Variants in MYH10 observed in about 807,000 individuals in gnomAD.
MYH10 encodes myosin heavy chain 10.
MYH10 carries 55 observed loss-of-function variants against 257.8 expected under a neutral mutation model. The observed-to-expected ratio is 0.21, with a 90% CI of 0.17 to 0.27. The LOEUF is 0.27. Among genes scored for constraint, MYH10 ranks in the 10% least tolerant of loss-of-function variants. The probability of loss-of-function intolerance (pLI) is 1.00; values close to 1 mark genes in which losing one functional copy is unlikely to be tolerated. For synonymous variants in MYH10, 854 were observed against 921.7 expected (o/e 0.93, Z 1.33); for missense variants, 1,631 against 2,500.6 (o/e 0.65, Z 7.42).
At position 8,535,739 on chromosome 17, in the gene MYH10, T is replaced by C; in HGVS notation, c.1779+19A>G. ...AACACAGCCATTTTAATCCAGTTAT[T>C]CAACATAAGAGCTCTTACCTTCCCT... On this transcript the variant is annotated intron_variant, in intron 15 of 42. Coordinates refer to ENST00000360416, the MANE Select transcript of MYH10 (RefSeq NM_001256012.3). The surrounding 1 kb of genome is among the most constrained non-coding windows in gnomAD (Gnocchi z 4.3). 6.2e-7 allele frequency: 1 copy of C among 1,600,990 alleles called. No individual in the cohort carries two copies. The highest frequency in any genetic ancestry group is 8.5e-7 in the Non-Finnish European group (1 of 1,172,702).
intron 3 of MYH10, among the ~76,000 whole-genome samples, chr17:8,600,937 A>G (rs1392280711): frequency 2.6e-5 from 4 of 152,204 alleles, no homozygotes; most frequent in Non-Finnish European, 2.9e-5. Context: ...AAACATACAG[A>G]AAGTTTGCAC....
chr17:8,561,328 C>T, intron 7 of MYH10: 1 of 1,159,064 alleles, frequency 8.6e-7, no homozygotes. Context: ...TGCCCAAGGA[C>T]AAGGCCATTA....
chr17:8,514,057 G>A (rs1266840198), intron 21 of MYH10, among the ~76,000 whole-genome samples, 163 bp from the exon 22 acceptor site: 4 of 152,172 alleles, frequency 2.6e-5, no homozygotes, highest in South Asian at 2.1e-4. Context: ...CGTTCTGGCC[G>A]CTCGAAGCCA....
At chr17:8,610,373 G>A (rs34183709) in intron 2 of MYH10, among the ~76,000 whole-genome samples, 36,282 of 148,878 alleles carry the variant, frequency 0.24, 5,337 homozygotes, top group Admixed American at 0.36. Context: ...AAGATCACTT[G>A]AGCTCAGGAG....
intron 3 of MYH10, among the ~76,000 whole-genome samples, chr17:8,602,087 C>T (rs1283612833): frequency 3.3e-5 from 5 of 152,030 alleles, no homozygotes; most frequent in South Asian, 2.1e-4. Flanking sequence ...GCCATTCTCC[C>T]GCCTCAGCCT....
intron 9 of MYH10, among the ~76,000 whole-genome samples, chr17:8,551,543 C>T (rs1196305259): frequency 6.6e-6 from 1 of 152,172 alleles, no homozygotes; most frequent in South Asian, 2.1e-4. Flanking sequence ...CAGCAAAATT[C>T]TGACCCAGAC....
At chr17:8,618,291 C>T (rs1033105921) in intron 2 of MYH10, among the ~76,000 whole-genome samples, 2 of 151,316 alleles carry the variant, frequency 1.3e-5, no homozygotes, top group Admixed American at 6.6e-5. Context: ...TCTTGTTGCC[C>T]AGGCTGGAGG....
intron 13 of MYH10, among the ~76,000 whole-genome samples, chr17:8,542,901 T>C (rs1187770381): frequency 6.6e-6 from 1 of 152,202 alleles, no homozygotes; most frequent in South Asian, 2.1e-4. Flanking sequence ...CCTTCCCTTA[T>C]CAAATGTTTG....
chr17:8,488,796 G>A (rs1915293433), intron 35 of MYH10, among the ~76,000 whole-genome samples: 1 of 152,106 alleles, frequency 6.6e-6, no homozygotes, highest in Non-Finnish European at 1.5e-5. Context: ...CTCGTCATCT[G>A]CTTGCTGTGT....
intron 3 of MYH10, among the ~76,000 whole-genome samples, chr17:8,593,134 T>C (rs921518896): frequency 9.3e-5 from 14 of 151,338 alleles, no homozygotes; most frequent in African/African-American, 3.4e-4. Flanking sequence ...CAAAACTTAA[T>C]ATCCACTGAT....
intron 4 of MYH10, among the ~76,000 whole-genome samples, chr17:8,585,230 G>A (rs1314855310): frequency 1.1e-4 from 1 of 9,162 alleles, no homozygotes; most frequent in South Asian, 0.071. Flanking sequence ...ACATATATGT[G>A]TGTGTATATA....
intron 29 of MYH10, among the ~76,000 whole-genome samples, chr17:8,500,237 G>T (rs1917306985): frequency 6.6e-6 from 1 of 152,158 alleles, no homozygotes; most frequent in Non-Finnish European, 1.5e-5. Context: ...AGTCACAAAG[G>T]CAAGGATGAT....
chr17:8,572,093 T>G (rs546981483), intron 6 of MYH10, among the ~76,000 whole-genome samples: 1 of 152,332 alleles, frequency 6.6e-6, no homozygotes, highest in Admixed American at 6.5e-5. Flanking sequence ...GAAAAAGACT[T>G]TGATAGTCCA....
chr17:8,499,623 G>T (rs1241025048), intron 29 of MYH10, 147 bp from the exon 30 acceptor site: 1 of 734,146 alleles, frequency 1.4e-6, no homozygotes, highest in Non-Finnish European at 2.3e-6. Flanking sequence ...AATGTTTGCT[G>T]TTCTCTGAGT....
At chr17:8,564,723 T>C (rs2083109641) in intron 7 of MYH10, among the ~76,000 whole-genome samples, 1 of 152,156 alleles carries the variant, frequency 6.6e-6, no homozygotes, top group African/African-American at 2.4e-5. Flanking sequence ...AATATACCTG[T>C]GGGGCACTAT....
chr17:8,492,731 AAAGC>A, intron 33 of MYH10, 41 bp downstream of exon 33: 1 of 1,585,702 alleles, frequency 6.3e-7, no homozygotes, highest in Non-Finnish European at 8.5e-7. Flanking sequence ...CAAACGAACA[AAAGC>A]AAGAGCTCTG....
chr17:8,606,364 C>T (rs1350439146), intron 2 of MYH10, among the ~76,000 whole-genome samples: 4 of 152,164 alleles, frequency 2.6e-5, no homozygotes, highest in Non-Finnish European at 5.9e-5. Flanking sequence ...CTGAAGGCAT[C>T]TGGAAGGGCA....
At position 8,475,675 on chromosome 17, in the gene MYH10, G is replaced by C; in HGVS notation, c.*129C>G. On this transcript the variant is annotated 3_prime_UTR_variant, in exon 43 of 43. Coordinates refer to ENST00000360416, the MANE Select transcript of MYH10 (RefSeq NM_001256012.3). ...AGCAGGATACAGTATGCATAGGCTG[G>C]AGAGCCTTAAGACACAGTTGATCTT... is the stretch of plus-strand genomic sequence containing the variant. The C allele has an allele frequency of 9.0e-7, 1 of 1,110,570 alleles. No individual in the cohort carries two copies. The highest frequency in any genetic ancestry group is 1.3e-6 in the Non-Finnish European group (1 of 769,198). 68.8% of individuals were successfully genotyped at this position (1,110,570 alleles called of 1,614,324 possible).
intron 19 of MYH10, among the ~76,000 whole-genome samples, chr17:8,520,347 T>C (rs1158899000): frequency 6.6e-6 from 1 of 151,928 alleles, no homozygotes; most frequent in East Asian, 1.9e-4. Flanking sequence ...ATACAAAAAT[T>C]TAGCTGGGCA....
Sources: allele counts gnomAD v4.1 joint callset (sites outside exome capture counted in the v4.1 genomes callset), GRCh38; gene constraint gnomAD v4.1.1; non-coding constraint Gnocchi (gnomAD v3.1); transcripts MANE v1.5; gene names NCBI Gene and HGNC (gene_info 2026-07-23, HGNC 2026-07-21).